CWH43: variants seen among roughly 807,000 people sequenced by gnomAD.
CWH43 encodes the protein cell wall biogenesis 43 C-terminal homolog, also known as PGAP2-interacting protein.
Under a neutral mutation model 85.7 loss-of-function variants are expected in CWH43, and 91 were observed. The ratio of observed to expected loss-of-function variants is 1.06; its 90% confidence interval spans 0.90 to 1.26. The LOEUF is 1.26. Ranked by LOEUF, CWH43 falls within the 50% of genes most tolerant of loss-of-function variation. The pLI, the probability that CWH43 is intolerant of heterozygous loss-of-function variation, is 0.00. For synonymous variants in CWH43, 323 were observed against 293.6 expected (o/e 1.10, Z -1.02); for missense variants, 869 against 839.2 (o/e 1.04, Z -0.44).
intron 12 of CWH43, among the ~76,000 whole-genome samples, chr4:49,033,655 G>A (rs545093309): frequency 9.9e-4 from 150 of 152,280 alleles, no homozygotes; most frequent in Non-Finnish European, 2.0e-3. Flanking sequence ...ATGAAGAGTG[G>A]GGAATGAGTT....
chr4:49,043,285 C>T (rs145405145), intron 13 of CWH43, among the ~76,000 whole-genome samples: 8 of 152,176 alleles, frequency 5.3e-5, no homozygotes, highest in East Asian at 1.9e-4. Context: ...AAGAGAAACG[C>T]GTAAGTACAT....
intron 8 of CWH43, among the ~76,000 whole-genome samples, chr4:49,014,473 A>AAG (rs1242445366): frequency 2.6e-5 from 4 of 151,940 alleles, no homozygotes; most frequent in Admixed American, 2.0e-4. Flanking sequence ...AAAAAAAAAA[A>AAG]AAGAGAGAAG....
chr4:49,007,364 T>C (rs749064162), intron 8 of CWH43, 38 bp downstream of exon 8: 33 of 1,483,356 alleles, frequency 2.2e-5, no homozygotes, highest in Non-Finnish European at 2.9e-5. Flanking sequence ...AAATTAATTA[T>C]ATAAAATTCT....
chr4:48,991,311 T>C, intron 2 of CWH43, 143 bp from the exon 3 acceptor site: 1 of 780,542 alleles, frequency 1.3e-6, no homozygotes, highest in Non-Finnish European at 2.0e-6. Flanking sequence ...TCAATAAAAA[T>C]TTTAAATACA....
intron 15 of CWH43, 56 bp from the exon 16 acceptor site, chr4:49,061,756 C>A (rs1785165147): frequency 8.2e-7 from 1 of 1,220,336 alleles, no homozygotes; most frequent in Non-Finnish European, 1.1e-6. Flanking sequence ...AAGAACATAC[C>A]TTTCTGAATG....
At chr4:49,043,178 G>A (rs1039150955) in intron 13 of CWH43, among the ~76,000 whole-genome samples, 6 of 152,198 alleles carry the variant, frequency 3.9e-5, no homozygotes, top group Admixed American at 3.3e-4. Flanking sequence ...TGGAATCATA[G>A]GGTTGTTTGA....
At chr4:49,010,454 G>A (rs1365616373) in intron 8 of CWH43, among the ~76,000 whole-genome samples, 1 of 151,902 alleles carries the variant, frequency 6.6e-6, no homozygotes, top group Non-Finnish European at 1.5e-5. Flanking sequence ...TTTTTTGAAG[G>A]ATTTTTGTGT....
At chr4:49,033,037 G>A (rs1385737160) in intron 12 of CWH43, among the ~76,000 whole-genome samples, 2 of 152,106 alleles carry the variant, frequency 1.3e-5, no homozygotes, top group African/African-American at 2.4e-5. Context: ...CCGTTTTGCA[G>A]GTAAAGAAAC....
At position 49,028,611 on chromosome 4, in the gene CWH43, A is replaced by G. The variant is rs143470860; in HGVS notation, c.1267-18A>G. 23 of 1,591,682 alleles carry G rather than the reference A, an allele frequency of 1.4e-5. No individual in the cohort carries two copies. In the East Asian group the frequency reaches 4.5e-4, roughly 31 times the overall value. On this transcript the variant is annotated intron_variant, in intron 9 of 15. Transcript: ENST00000226432. ...TTGTTCACAGTCATCCTAAACTACC[A>G]TTAAAACAATTCCTCAGGCACCAAC...
chr4:49,034,190 G>A (rs1004398909), intron 12 of CWH43, among the ~76,000 whole-genome samples: 2 of 152,082 alleles, frequency 1.3e-5, no homozygotes, highest in Admixed American at 6.6e-5. Flanking sequence ...TTGAAGAAAT[G>A]CTTTCTTTTT....
In CWH43 at chr4:49,062,016, T is replaced by A. The variant is rs139717750; in HGVS notation, c.*126T>A. 402 of 659,524 alleles carry A rather than the reference T, an allele frequency of 6.1e-4. 5 individuals carry two copies. The East Asian group carries it at 0.015, about 25-fold the overall frequency. The allele number at this position is 659,524 out of a possible 1,614,324, so 40.9% of individuals were successfully genotyped here. A position where few individuals can be genotyped will look rare whatever the true frequency, so the allele number is the denominator to read the frequency against. ...ACCTCAACTTAAAAAACACATGGTA[T>A]CTATGCAGTGGGAAATTACCTCCAT... On this transcript the variant is annotated 3_prime_UTR_variant, in exon 16 of 16. Coordinates refer to ENST00000226432, the MANE Select transcript of CWH43 (RefSeq NM_025087.3).
chr4:49,021,028 T>A (rs1783737310), intron 9 of CWH43, among the ~76,000 whole-genome samples: 1 of 152,354 alleles, frequency 6.6e-6, no homozygotes. Flanking sequence ...TGCTGATTAT[T>A]TCTTTTGCTG....
chr4:49,013,470 T>A lies in CWH43; in HGVS notation c.1187-3779T>A, dbSNP rs1231202055. ...TCCCGGGTGAGGTGATGCCACGCCC[T>A]ACTTCAGATCACCCTCCATGGGCTG... On this transcript the variant is annotated intron_variant, in intron 8 of 15. Transcript: ENST00000226432. 2.0e-5 allele frequency among the ~76,000 whole-genome samples: 3 copies of A among 152,250 alleles called. No individual in the cohort carries two copies. The East Asian group carries it at 5.8e-4, about 29-fold the overall frequency.
intron 15 of CWH43, among the ~76,000 whole-genome samples, chr4:49,060,708 T>G (rs1785126862): frequency 6.6e-6 from 1 of 152,190 alleles, no homozygotes; most frequent in African/African-American, 2.4e-5. Flanking sequence ...AATGCTATAA[T>G]CTCTCATCTG....
At chr4:49,016,570 G>A (rs1783554862) in intron 8 of CWH43, 1 of 702,492 alleles carries the variant, frequency 1.4e-6, no homozygotes, top group Non-Finnish European at 2.7e-6. Context: ...CCATTACAGG[G>A]TGAAGATATA....
intron 13 of CWH43, among the ~76,000 whole-genome samples, chr4:49,038,645 A>C (rs1482893182): frequency 4.6e-5 from 7 of 152,200 alleles, no homozygotes; most frequent in Admixed American, 3.9e-4. Context: ...CTGTCATCAC[A>C]ATTCTGATCA....
At chr4:49,017,056 G>A (rs1178485060) in intron 8 of CWH43, 193 bp from the exon 9 acceptor site, 7 of 738,668 alleles carry the variant, frequency 9.5e-6, no homozygotes, top group Non-Finnish European at 1.8e-5. Context: ...GCGTCGGCTG[G>A]CACCTTGGTC....
chr4:49,012,235 A>C (rs1783388248), intron 8 of CWH43, among the ~76,000 whole-genome samples: 1 of 152,176 alleles, frequency 6.6e-6, no homozygotes, highest in African/African-American at 2.4e-5. Context: ...ATCTTCAATC[A>C]CTGATATCCT....
intron 5 of CWH43, among the ~76,000 whole-genome samples, chr4:48,995,770 T>A (rs1365995554): frequency 6.6e-6 from 1 of 152,226 alleles, no homozygotes; most frequent in African/African-American, 2.4e-5. Context: ...TGACTTCTCT[T>A]AGATTAACCC....
Sources: gnomAD v4.1 joint callset for allele counts (sites outside exome capture counted in the v4.1 genomes callset) on GRCh38, gnomAD v4.1.1 for gene constraint, MANE v1.5 for transcripts, NCBI Gene and HGNC (gene_info 2026-07-23, HGNC 2026-07-21) for gene names.